TRPC7: variants seen among roughly 807,000 people sequenced by gnomAD.
TRPC7 encodes the protein short transient receptor potential channel 7.
A neutral mutation model predicts 90.1 loss-of-function variants in TRPC7; 42 were observed. The observed-to-expected ratio is 0.47, with a 90% CI of 0.36 to 0.60. The LOEUF (loss-of-function observed/expected upper bound fraction) is 0.60. Ranked by LOEUF, TRPC7 falls within the 20% of genes least tolerant of loss-of-function variation. The probability of loss-of-function intolerance (pLI) is 0.00; values close to 1 mark genes in which losing one functional copy is unlikely to be tolerated. For synonymous variants in TRPC7, 451 were observed against 436.3 expected, an observed-to-expected ratio of 1.03 and a Z score of -0.42; for missense variants, 955 against 1,112.3, an observed-to-expected ratio of 0.86 and a Z score of 2.01.
At chr5:136,257,685 G>A (rs572906499) in intron 5 of TRPC7, among the ~76,000 whole-genome samples, 2 of 152,212 alleles carry the variant, frequency 1.3e-5, no homozygotes, top group African/African-American at 2.4e-5. Context: ...TATGTCTCAA[G>A]TATACCGTAT....
intron 5 of TRPC7, among the ~76,000 whole-genome samples, chr5:136,252,975 A>G (rs1756571842): frequency 6.6e-6 from 1 of 152,136 alleles, no homozygotes; most frequent in African/African-American, 2.4e-5. Flanking sequence ...ACTGTCCAAT[A>G]CCATAGCCAC....
At chr5:136,229,914 G>T (rs1309700369) in intron 8 of TRPC7, among the ~76,000 whole-genome samples, 1 of 152,086 alleles carries the variant, frequency 6.6e-6, no homozygotes. Flanking sequence ...AGCCTCCTTG[G>T]AGTTCTTCTC....
At chr5:136,327,093 G>T (rs970874692) in intron 2 of TRPC7, among the ~76,000 whole-genome samples, 1 of 152,134 alleles carries the variant, frequency 6.6e-6, no homozygotes, top group African/African-American at 2.4e-5. Context: ...TACAGAGGAG[G>T]TTAAGACTGC....
At chr5:136,319,952 G>A (rs1759139661) in intron 2 of TRPC7, among the ~76,000 whole-genome samples, 1 of 152,060 alleles carries the variant, frequency 6.6e-6, no homozygotes, top group Non-Finnish European at 1.5e-5. Context: ...CCTTATTGAT[G>A]TTTTCTAGTG....
chr5:136,246,762 G>T lies in TRPC7; in HGVS notation c.1844+709C>A, dbSNP rs146106726. The stretch of plus-strand genomic sequence containing the variant: ...GAGTTCTGTTTTCTAGGCAACACAG[G>T]CTAAGACAATAATAACAGTAAGAAT... On this transcript the variant is annotated intron_variant, in intron 7 of 11. Transcript: ENST00000513104. Among the ~76,000 whole-genome samples the T allele has an allele frequency of 3.3e-3, 508 of 152,216 alleles. 2 individuals are homozygous for T. The highest frequency in any genetic ancestry group is 0.011 in the African/African-American group (464 of 41,492).
At chr5:136,291,864 A>T (rs1156518602) in intron 3 of TRPC7, among the ~76,000 whole-genome samples, 37 of 151,970 alleles carry the variant, frequency 2.4e-4, no homozygotes, top group African/African-American at 7.0e-4. Context: ...ACACCACACC[A>T]ATTCCAAAAT....
intron 3 of TRPC7, among the ~76,000 whole-genome samples, chr5:136,282,947 C>T (rs1476757282): frequency 6.6e-6 from 1 of 152,166 alleles, no homozygotes; most frequent in African/African-American, 2.4e-5. Context: ...GGTTCTGAGT[C>T]TTTCCAGGCT....
chr5:136,233,053 C>T (rs147615885), intron 7 of TRPC7, among the ~76,000 whole-genome samples: 274 of 152,170 alleles, frequency 1.8e-3, no homozygotes, highest in African/African-American at 6.5e-3. Flanking sequence ...ACAGCTCTCC[C>T]GAGTGTGATT....
At chr5:136,349,930 C>T (rs145240127) in intron 2 of TRPC7, among the ~76,000 whole-genome samples, 108 of 152,248 alleles carry the variant, frequency 7.1e-4, no homozygotes, top group Non-Finnish European at 1.0e-3. Flanking sequence ...TTTTACTGTG[C>T]CTTTCCTATT....
intron 9 of TRPC7, 57 bp downstream of exon 9, chr5:136,225,977 G>T: frequency 6.9e-7 from 1 of 1,455,702 alleles, no homozygotes; most frequent in Non-Finnish European, 9.4e-7. Context: ...ACACACTCTA[G>T]ACTCGCCTGC....
intron 3 of TRPC7, among the ~76,000 whole-genome samples, chr5:136,278,699 C>G (rs1757449414): frequency 6.6e-6 from 1 of 152,160 alleles, no homozygotes; most frequent in South Asian, 2.1e-4. Flanking sequence ...GGGATTGGAA[C>G]TAAGCTCAAG....
intron 3 of TRPC7, among the ~76,000 whole-genome samples, chr5:136,277,944 G>T (rs2149816723): frequency 6.6e-6 from 1 of 152,336 alleles, no homozygotes; most frequent in East Asian, 1.9e-4. Context: ...TAGGCAGTTT[G>T]TAATGGCTGG....
chr5:136,260,570 G>T (rs537709213), intron 5 of TRPC7, among the ~76,000 whole-genome samples: 1 of 152,290 alleles, frequency 6.6e-6, no homozygotes, highest in South Asian at 2.1e-4. Flanking sequence ...GAGTGAGTGA[G>T]GTGGAAAGCG....
At chr5:136,274,879 A>C (rs985805914) in intron 3 of TRPC7, 42 bp from the exon 4 acceptor site, 1 of 1,542,476 alleles carries the variant, frequency 6.5e-7, no homozygotes. Flanking sequence ...CGCAAACAGG[A>C]AAATGGCATT....
intron 2 of TRPC7, among the ~76,000 whole-genome samples, chr5:136,348,023 C>T (rs1561728697): frequency 6.6e-6 from 1 of 152,230 alleles, no homozygotes; most frequent in African/African-American, 2.4e-5. Context: ...TCATATGTCA[C>T]TCACCCCTTC....
At chr5:136,321,766 G>A (rs780476999) in intron 2 of TRPC7, among the ~76,000 whole-genome samples, 2 of 152,128 alleles carry the variant, frequency 1.3e-5, no homozygotes, top group Admixed American at 6.5e-5. Flanking sequence ...GATAAAATCT[G>A]TAAATTGAAG....
chr5:136,242,002 A>G (rs1756185555), intron 7 of TRPC7, among the ~76,000 whole-genome samples: 1 of 152,210 alleles, frequency 6.6e-6, no homozygotes, highest in Non-Finnish European at 1.5e-5. Context: ...CACTTTATGG[A>G]ATATGTGCAT....
intron 3 of TRPC7, among the ~76,000 whole-genome samples, chr5:136,310,725 A>G (rs1758798949): frequency 6.6e-6 from 1 of 152,172 alleles, no homozygotes; most frequent in African/African-American, 2.4e-5. Flanking sequence ...CAGCTGGTGA[A>G]GTACTTAAGA....
At chr5:136,281,030 C>T (rs1367520583) in intron 3 of TRPC7, among the ~76,000 whole-genome samples, 3 of 152,134 alleles carry the variant, frequency 2.0e-5, no homozygotes, top group South Asian at 2.1e-4. Flanking sequence ...TATATTTACC[C>T]TATATTTCCT....
Sources: gnomAD v4.1 joint callset for allele counts (sites outside exome capture counted in the v4.1 genomes callset) on GRCh38, gnomAD v4.1.1 for gene constraint, MANE v1.5 for transcripts, NCBI Gene and HGNC (gene_info 2026-07-23, HGNC 2026-07-21) for gene names.